USP6NL: variants seen among roughly 807,000 people sequenced by gnomAD.
USP6NL encodes the protein USP6 N-terminal-like protein.
A neutral mutation model predicts 61.9 loss-of-function variants in USP6NL; 26 were observed. The observed-to-expected ratio is 0.42, with a 90% CI of 0.31 to 0.58. The LOEUF (loss-of-function observed/expected upper bound fraction) is 0.58, where lower values mean the gene tolerates loss of function less well. Among genes scored for constraint, USP6NL ranks in the 20% least tolerant of loss-of-function variants. USP6NL has a pLI of 0.16. For synonymous variants in USP6NL, 432 were observed against 390.1 expected, an observed-to-expected ratio of 1.11 and a Z score of -1.27; for missense variants, 1,114 against 1,034.3, an observed-to-expected ratio of 1.08 and a Z score of -1.06.
intron 2 of USP6NL, among the ~76,000 whole-genome samples, chr10:11,579,955 G>A (rs908439375): frequency 6.9e-6 from 1 of 145,208 alleles, no homozygotes; most frequent in Non-Finnish European, 1.5e-5. Flanking sequence ...ACCACCAGTG[G>A]AGAGTGGCGG....
intron 2 of USP6NL, among the ~76,000 whole-genome samples, chr10:11,556,686 AT>A (rs1172416437): frequency 1.3e-5 from 2 of 152,254 alleles, no homozygotes; most frequent in Non-Finnish European, 2.9e-5. Context: ...ACAAAGTAAC[AT>A]TTTATTGCAA....
At chr10:11,558,857 A>G (rs979458702) in intron 2 of USP6NL, among the ~76,000 whole-genome samples, 1 of 119,056 alleles carries the variant, frequency 8.4e-6, no homozygotes, top group African/African-American at 3.7e-5. Flanking sequence ...AAATGGAAGT[A>G]TAACTACAAC....
At chr10:11,498,983 G>A (rs566737447) in intron 7 of USP6NL, among the ~76,000 whole-genome samples, 3 of 152,228 alleles carry the variant, frequency 2.0e-5, no homozygotes, top group African/African-American at 7.2e-5. Context: ...ATCTTCATAC[G>A]TTCTTCAATA....
Position 11,591,892 on chromosome 10 carries a change from G to C in USP6NL, c.4+5739C>G, listed in dbSNP as rs1051484825. ...CAAGAATTACTCTTTTTATTTTTGAGACAGTCTCACTCTGTCGCCTGGGCT... is the reference window on the plus strand; with the variant it reads ...CAAGAATTACTCTTTTTATTTTTGACACAGTCTCACTCTGTCGCCTGGGCT... On this transcript the variant is annotated intron_variant, in intron 2 of 14. Transcript: ENST00000609104. This position sits in a 1 kb window ranked among gnomAD's most constrained non-coding sequence, Gnocchi z 4.7. Among the ~76,000 whole-genome samples, 6 of 152,014 alleles carry C rather than the reference G, an allele frequency of 3.9e-5. No individual in the cohort carries two copies. Among genetic ancestry groups the C allele is most frequent in the Non-Finnish European group, 8.8e-5 (6 of 68,004 alleles).
intron 4 of USP6NL, among the ~76,000 whole-genome samples, chr10:11,523,750 T>C (rs772266464): frequency 1.3e-5 from 2 of 152,234 alleles, no homozygotes; most frequent in African/African-American, 2.4e-5. Context: ...ATGTATTTTA[T>C]ACCATATTTG....
At position 11,511,828 on chromosome 10, in the gene USP6NL, TACAC is replaced by T. The variant is rs55781528; in HGVS notation, c.196-2157_196-2154del. 0.1 allele frequency among the ~76,000 whole-genome samples: 15,306 copies of T among 149,808 alleles called. 848 individuals carry two copies. Among genetic ancestry groups the T allele is most frequent in the South Asian group, 0.2 (960 of 4,734 alleles). The stretch of plus-strand genomic sequence containing the variant: ...AAATAAAATAAAATAATATATATTA[TACAC>T]ACACACACACACACACACCCCTTGG... On this transcript the variant is annotated intron_variant, in intron 5 of 14. Transcript: ENST00000609104. This position sits in a 1 kb window ranked among gnomAD's most constrained non-coding sequence, Gnocchi z 4.9.
chr10:11,529,714 A>C (rs1010168856), intron 2 of USP6NL, among the ~76,000 whole-genome samples: 3 of 152,192 alleles, frequency 2.0e-5, no homozygotes, highest in Non-Finnish European at 4.4e-5. Context: ...CATATTCACT[A>C]CCCTATTTTA....
chr10:11,526,126 G>A (rs1354206376), intron 3 of USP6NL, among the ~76,000 whole-genome samples: 1 of 139,232 alleles, frequency 7.2e-6, no homozygotes, highest in Non-Finnish European at 1.6e-5. Context: ...CTTTTTCATG[G>A]GTAACTCGTC....
chr10:11,510,729 A>G lies in USP6NL; in HGVS notation c.196-1054T>C, dbSNP rs1051002193. On this transcript the variant is annotated intron_variant, in intron 5 of 14. Transcript: ENST00000609104. The surrounding 1 kb of genome is among the most constrained non-coding windows in gnomAD (Gnocchi z 4.8). ...GGATACATTTTATACTCAAGGATGC[A>G]TGCTCACTGCAACCCCACGAGGTAG... Among the ~76,000 whole-genome samples the G allele has an allele frequency of 1.7e-4, 26 of 152,238 alleles. No homozygotes were observed. Among genetic ancestry groups the G allele is most frequent in the African/African-American group, 6.0e-4 (25 of 41,464 alleles).
intron 5 of USP6NL, among the ~76,000 whole-genome samples, chr10:11,514,884 T>C (rs185252291): frequency 7.4e-4 from 113 of 152,328 alleles, no homozygotes; most frequent in African/African-American, 2.5e-3. Context: ...CCACCTCTAC[T>C]CCCTCTGCTA....
Position 11,504,503 on chromosome 10 carries a change from C to T in USP6NL, c.277-3295G>A, listed in dbSNP as rs1402923521. On this transcript the variant is annotated intron_variant, in intron 6 of 14. Transcript: ENST00000609104. The stretch of plus-strand genomic sequence containing the variant: ...TCTGCCCTAGGTCAAAAAGTTCTAC[C>T]TTCTTATTACAAATTCGGGGACTTT... Among the ~76,000 whole-genome samples, 8 of 152,280 alleles carry T rather than the reference C, an allele frequency of 5.3e-5. No individual in the cohort carries two copies. The East Asian group carries it at 1.3e-3, about 26-fold the overall frequency.
rs1259192669 is a variant in USP6NL at position 11,495,609 on chromosome 10, A to C, written c.385-2381T>G. Among the ~76,000 whole-genome samples, 1 of 152,114 alleles carries C rather than the reference A, an allele frequency of 6.6e-6. No individual in the cohort carries two copies. The highest frequency in any genetic ancestry group is 2.4e-5 in the African/African-American group (1 of 41,406). Reference sequence around the variant, plus strand: ...ATTTTCAATTAAGTTTTTCATTACTAATATTTGTTATATTCATAAGCTCTG... The same window carrying C: ...ATTTTCAATTAAGTTTTTCATTACTCATATTTGTTATATTCATAAGCTCTG... On this transcript the variant is annotated intron_variant, in intron 7 of 14. Transcript: ENST00000609104. This position sits in a 1 kb window ranked among gnomAD's most constrained non-coding sequence, Gnocchi z 4.6.
intron 2 of USP6NL, among the ~76,000 whole-genome samples, chr10:11,573,102 AG>A (rs1383872319): frequency 1.3e-5 from 2 of 152,308 alleles, no homozygotes; most frequent in Admixed American, 6.5e-5. Flanking sequence ...TCACTAAAAA[AG>A]GCAATAAAAT....
chr10:11,490,769 T>TG lies in USP6NL; in HGVS notation c.543+62dup. 6.7e-7 allele frequency: 1 copy of TG among 1,494,744 alleles called. No homozygotes were observed. Among genetic ancestry groups the TG allele is most frequent in the Non-Finnish European group, 9.0e-7 (1 of 1,107,370 alleles). The allele number at this position is 1,494,744 out of a possible 1,614,324, so 92.6% of individuals were successfully genotyped here. ...ATGCAGAAATGTGCCCACAGGGCCC[T>TG]GCTAAGTAGGGAGTACCTCAGAATA... On this transcript the variant is annotated intron_variant, in intron 9 of 14. Coordinates refer to ENST00000609104, the MANE Select transcript of USP6NL (RefSeq NM_014688.5). The surrounding 1 kb of genome is among the most constrained non-coding windows in gnomAD (Gnocchi z 4.5).
chr10:11,592,297 A>G lies in USP6NL; in HGVS notation c.4+5334T>C, dbSNP rs1455889422. Reference sequence around the variant, plus strand: ...CACTAAACTAAGAAAGTAATCACACAAATTTTCTGAGAAGCAATTTCTGCT... The same window carrying G: ...CACTAAACTAAGAAAGTAATCACACGAATTTTCTGAGAAGCAATTTCTGCT... On this transcript the variant is annotated intron_variant, in intron 2 of 14. Coordinates refer to ENST00000609104, the MANE Select transcript of USP6NL (RefSeq NM_014688.5). The surrounding 1 kb of genome is among the most constrained non-coding windows in gnomAD (Gnocchi z 4.7). Among the ~76,000 whole-genome samples the G allele has an allele frequency of 1.3e-5, 2 of 152,222 alleles. No homozygotes were observed. The highest frequency in any genetic ancestry group is 2.9e-5 in the Non-Finnish European group (2 of 68,032).
At chr10:11,551,960 T>C (rs1044109887) in intron 2 of USP6NL, among the ~76,000 whole-genome samples, 7 of 152,194 alleles carry the variant, frequency 4.6e-5, no homozygotes, top group Non-Finnish European at 8.8e-5. Context: ...ACTAAATTTA[T>C]AGTACATACC....
intron 14 of USP6NL, among the ~76,000 whole-genome samples, chr10:11,464,486 C>T (rs932089826): frequency 2.6e-5 from 4 of 152,204 alleles, no homozygotes; most frequent in Non-Finnish European, 5.9e-5. Flanking sequence ...AACTAACCTG[C>T]CCAAAGGCTC....
chr10:11,544,062 C>T (rs139516680), intron 2 of USP6NL, among the ~76,000 whole-genome samples: 2,061 of 152,162 alleles, frequency 0.014, 20 homozygotes, highest in Non-Finnish European at 0.022. Flanking sequence ...CCACCTGCCT[C>T]GGCCTCCCAA....
In USP6NL at chr10:11,496,545, G is replaced by A. The variant is rs181045786; in HGVS notation, c.385-3317C>T. On this transcript the variant is annotated intron_variant, in intron 7 of 14. Coordinates refer to ENST00000609104, the MANE Select transcript of USP6NL (RefSeq NM_014688.5). The surrounding 1 kb of genome is among the most constrained non-coding windows in gnomAD (Gnocchi z 5.4). ...CAATTTAGTGGCATTTCAAGGGAAA[G>A]GGAGCTAAATGAGTATGTTGAATCT... Among the ~76,000 whole-genome samples the A allele has an allele frequency of 5.3e-5, 8 of 152,280 alleles. No individual in the cohort carries two copies. The highest frequency in any genetic ancestry group is 1.3e-4 in the Admixed American group (2 of 15,300).
Sources: gnomAD v4.1 joint callset for allele counts (sites outside exome capture counted in the v4.1 genomes callset) on GRCh38, gnomAD v4.1.1 for gene constraint, Gnocchi (gnomAD v3.1) non-coding constraint, MANE v1.5 for transcripts, NCBI Gene and HGNC (gene_info 2026-07-23, HGNC 2026-07-21) for gene names.